The following PLEKHA8 variants were observed in gnomAD, a reference collection of about 807,000 sequenced individuals.
The protein encoded by PLEKHA8 is pleckstrin homology domain-containing family A member 8.
A neutral mutation model predicts 68.2 loss-of-function variants in PLEKHA8; 36 were observed. The ratio of observed to expected loss-of-function variants is 0.53; its 90% confidence interval spans 0.40 to 0.70. The LOEUF (loss-of-function observed/expected upper bound fraction) is 0.70, where lower values mean the gene tolerates loss of function less well. Among genes scored for constraint, PLEKHA8 ranks in the 30% least tolerant of loss-of-function variants. The pLI is 0.00. For missense variants in PLEKHA8, 505 were observed against 615.4 expected, an observed-to-expected ratio of 0.82 and a Z score of 1.90; for synonymous variants, 211 against 216.1, an observed-to-expected ratio of 0.98 and a Z score of 0.20.
chr7:30,119,655 A>C (rs1406940882), intron 13 of PLEKHA8, among the ~76,000 whole-genome samples: 1 of 152,212 alleles, frequency 6.6e-6, no homozygotes, highest in Non-Finnish European at 1.5e-5. Context: ...TCTCCTTTGG[A>C]GAGGTTTCTG....
intron 1 of PLEKHA8, among the ~76,000 whole-genome samples, chr7:30,031,272 T>C (rs1038089641): frequency 6.6e-6 from 1 of 152,130 alleles, no homozygotes; most frequent in African/African-American, 2.4e-5. Context: ...TTGTGTGTGA[T>C]TGATTGGGGA....
intron 12 of PLEKHA8, among the ~76,000 whole-genome samples, chr7:30,063,265 A>G (rs961766642): frequency 6.6e-6 from 1 of 152,230 alleles, no homozygotes; most frequent in African/African-American, 2.4e-5. Context: ...AGAGGAGATC[A>G]TCTTATATCT....
downstream of PLEKHA8, among the ~76,000 whole-genome samples, chr7:30,087,381 T>G (rs1010077869): frequency 3.9e-5 from 6 of 152,198 alleles, no homozygotes; most frequent in African/African-American, 1.4e-4. Flanking sequence ...GTCACTCATC[T>G]AGGCTGTGGT....
intron 13 of PLEKHA8, among the ~76,000 whole-genome samples, chr7:30,076,322 C>T (rs1268550603): frequency 6.6e-6 from 1 of 152,108 alleles, no homozygotes; most frequent in Non-Finnish European, 1.5e-5. Context: ...GTGTGAGAGA[C>T]TTAAACTGCT....
intron 13 of PLEKHA8, among the ~76,000 whole-genome samples, chr7:30,110,575 T>C (rs78667285): frequency 0.019 from 2,888 of 152,334 alleles, 43 homozygotes; most frequent in East Asian, 0.04. Flanking sequence ...GGTAACTGTG[T>C]TTAACATTTT....
rs75714651 is a variant in PLEKHA8 at position 30,052,640 on chromosome 7, C to CAAAAA, written c.639-53_639-49dup. ...GGGTGACAGAGTGGAGACCCTGTTTCAAAAAAAAAAAAAAAAAAAAGACCA... is the reference window on the plus strand; with the variant it reads ...GGGTGACAGAGTGGAGACCCTGTTTCAAAAAAAAAAAAAAAAAAAAAAAAAGACCA... On this transcript the variant is annotated intron_variant, in intron 6 of 13. Coordinates refer to ENST00000449726, the MANE Select transcript of PLEKHA8 (RefSeq NM_001197026.2). 9.1e-5 allele frequency: 97 copies of CAAAAA among 1,066,888 alleles called. 1 individual carries two copies. The African/African-American group carries it at 1.8e-3, about 20-fold the overall frequency. The allele number at this position is 1,066,888 out of a possible 1,614,324, so 66.1% of individuals were successfully genotyped here.
chr7:30,093,799 C>T (rs1486866787), downstream of PLEKHA8, among the ~76,000 whole-genome samples: 3 of 152,324 alleles, frequency 2.0e-5, no homozygotes, highest in East Asian at 3.9e-4. Flanking sequence ...CAAGCAGCTC[C>T]TCTGCTTCCT....
chr7:30,111,015 C>G (rs1046779611), intron 13 of PLEKHA8, among the ~76,000 whole-genome samples: 1 of 151,948 alleles, frequency 6.6e-6, no homozygotes, highest in African/African-American at 2.4e-5. Flanking sequence ...AGCAATTCTC[C>G]TGCCTCAGCC....
chr7:30,116,821 G>C (rs1796583247), intron 13 of PLEKHA8, among the ~76,000 whole-genome samples: 1 of 152,196 alleles, frequency 6.6e-6, no homozygotes, highest in African/African-American at 2.4e-5. Context: ...CCCCAACACA[G>C]TTGCTAGAGA....
downstream of PLEKHA8, among the ~76,000 whole-genome samples, chr7:30,094,865 T>C (rs896542273): frequency 3.3e-5 from 5 of 152,190 alleles, no homozygotes; most frequent in African/African-American, 1.2e-4. Context: ...TCATCATTTT[T>C]TATGGCTGCA....
intron 1 of PLEKHA8, among the ~76,000 whole-genome samples, chr7:30,034,583 A>G (rs186104497): frequency 6.6e-6 from 1 of 152,336 alleles, no homozygotes; most frequent in African/African-American, 2.4e-5. Flanking sequence ...GAAAATGATA[A>G]GGAAGAGAAA....
chr7:30,067,580 G>C (rs1458468676), intron 12 of PLEKHA8, among the ~76,000 whole-genome samples: 1 of 152,186 alleles, frequency 6.6e-6, no homozygotes. Context: ...CCTTAATCCC[G>C]TGACTCCCAT....
At chr7:30,059,536 G>C (rs975557216) in intron 9 of PLEKHA8, among the ~76,000 whole-genome samples, 2 of 150,962 alleles carry the variant, frequency 1.3e-5, no homozygotes, top group Admixed American at 1.3e-4. Context: ...TATGTTCTTT[G>C]TTCCCTTTTT....
chr7:30,073,185 A>G (rs951646404), intron 12 of PLEKHA8, among the ~76,000 whole-genome samples: 1 of 152,220 alleles, frequency 6.6e-6, no homozygotes, highest in Admixed American at 6.5e-5. Context: ...GTTCTCACCA[A>G]TTACTTTAGC....
At chr7:30,047,510 G>T (rs546125850) in intron 3 of PLEKHA8, among the ~76,000 whole-genome samples, 41 of 152,156 alleles carry the variant, frequency 2.7e-4, no homozygotes, top group Non-Finnish European at 5.1e-4. Flanking sequence ...CCAAAACTCT[G>T]AACCCCTTAG....
chr7:30,073,563 T>TAAAAAAAAAAAAAAAAAAAA (rs35738941), intron 12 of PLEKHA8, among the ~76,000 whole-genome samples: 6 of 111,766 alleles, frequency 5.4e-5, no homozygotes, highest in African/African-American at 1.8e-4. Flanking sequence ...TTGTGTTTCT[T>TAAAAAAAAAAAAAAAAAAAA]AAAAAAAAAA....
intron 1 of PLEKHA8, among the ~76,000 whole-genome samples, chr7:30,042,774 T>C (rs1482191651): frequency 1.3e-5 from 2 of 152,214 alleles, no homozygotes; most frequent in Non-Finnish European, 1.5e-5. Flanking sequence ...TTCTCAGAAA[T>C]TGACTCTTCT....
Position 30,079,748 on chromosome 7 carries a change from TA to T in PLEKHA8, c.*964del. The T allele has an allele frequency of 1.5e-6, 1 of 668,464 alleles. No individual in the cohort carries two copies. Among genetic ancestry groups the T allele is most frequent in the Non-Finnish European group, 1.8e-6 (1 of 540,852 alleles). The allele number at this position is 668,464 out of a possible 1,614,324, so 41.4% of individuals were successfully genotyped here. A position where few individuals can be genotyped will look rare whatever the true frequency, so the allele number is the denominator to read the frequency against. On this transcript the variant is annotated 3_prime_UTR_variant, in exon 14 of 14. Transcript: ENST00000449726. ...CAGATTCCCAGGCCTTATTTTGGCC[TA>T]AAGAACCAGAGTCTAGGTGGTGGGA...
chr7:30,124,748 A>G (rs1455139707), intron 13 of PLEKHA8, among the ~76,000 whole-genome samples: 6 of 152,188 alleles, frequency 3.9e-5, no homozygotes, highest in Non-Finnish European at 7.4e-5. Flanking sequence ...CTTATGAAAG[A>G]GCAAAGGTTC....
Sources: allele counts gnomAD v4.1 joint callset (sites outside exome capture counted in the v4.1 genomes callset), GRCh38; gene constraint gnomAD v4.1.1; transcripts MANE v1.5; gene names NCBI Gene and HGNC (gene_info 2026-07-23, HGNC 2026-07-21).